Variants in MAP3K6 observed in about 807,000 individuals in gnomAD.
MAP3K6 encodes the protein apoptosis signal-regulating kinase 2.
MAP3K6 carries 105 observed loss-of-function variants against 147.1 expected under a neutral mutation model. The ratio of observed to expected loss-of-function variants is 0.71; its 90% confidence interval spans 0.61 to 0.84. The LOEUF (loss-of-function observed/expected upper bound fraction) is 0.84. MAP3K6 is among the 40% of genes least tolerant of loss of function. The pLI is 0.00. For synonymous variants in MAP3K6, 695 were observed against 732.4 expected, an observed-to-expected ratio of 0.95 and a Z score of 0.82; for missense variants, 1,569 against 1,715.0, an observed-to-expected ratio of 0.91 and a Z score of 1.50.
chr1:27,361,581 T>A lies in MAP3K6; in HGVS notation c.1625A>T (p.Glu542Val), dbSNP rs1278810542. 10 of 1,614,128 alleles carry A rather than the reference T, an allele frequency of 6.2e-6. No homozygotes were observed. Among genetic ancestry groups the A allele is most frequent in the Non-Finnish European group, 8.5e-6 (10 of 1,180,020 alleles). The change falls in exon 11 of 29, where the codon GAG (glutamate) becomes GTG (valine). Residue 542 changes from glutamate (E) to valine (V), a missense_variant. Transcript: ENST00000357582. The part of the protein sequence containing the change: ...MNKVLLPAKL[E>V]VRGTDPVSTV... ...GCTTACTGGGTCAGTACCCCGAACC[T>A]CGAGCTTTGCAGGCAGCAGCACCTT...
chr1:27,360,144 A>T lies in MAP3K6; in HGVS notation c.2182+97T>A. 6.4e-7 allele frequency: 1 copy of T among 1,574,800 alleles called. No individual in the cohort carries two copies. The highest frequency in any genetic ancestry group is 8.7e-7 in the Non-Finnish European group (1 of 1,154,106). On this transcript the variant is annotated intron_variant, in intron 16 of 28. Transcript: ENST00000357582. The surrounding 1 kb of genome is among the most constrained non-coding windows in gnomAD (Gnocchi z 4.5). ...ATTCTAGGCTACACCACCCACACGC[A>T]CTAGGGTGCATTTCCCCCTAGGGCT... is the stretch of plus-strand genomic sequence containing the variant.
chr1:27,366,316 C>T lies in MAP3K6; in HGVS notation c.282G>A (p.Leu94=), dbSNP rs1204198900. The T allele has an allele frequency of 1.5e-6, 2 of 1,316,734 alleles. No individual in the cohort carries two copies. Among genetic ancestry groups the T allele is most frequent in the African/African-American group, 3.1e-5 (2 of 64,988 alleles). The allele number at this position is 1,316,734 out of a possible 1,614,324, so 81.6% of individuals were successfully genotyped here. A position where few individuals can be genotyped will look rare whatever the true frequency, so the allele number is the denominator to read the frequency against. The change falls in exon 1 of 29, where the codon CTG becomes CTA. Residue 94 remains leucine, a synonymous_variant. Transcript: ENST00000357582. The surrounding 1 kb of genome is among the most constrained non-coding windows in gnomAD (Gnocchi z 5.5). ...CGCCTAGCTCCAGCGTCCCGAAGGGCAGGCTGCGCAGCTGCGGGGGCGGCC... is the reference window on the plus strand; with the variant it reads ...CGCCTAGCTCCAGCGTCCCGAAGGGTAGGCTGCGCAGCTGCGGGGGCGGCC... ...RPRPPPQLRS[L]PFGTLELGDT...
At position 27,361,777 on chromosome 1, in the gene MAP3K6, G is replaced by A. The variant is rs763013275; in HGVS notation, c.1506C>T (p.His502=). ...EPPGGPPRRA[H]FWLHFLLQSC... ...ACTGTAGCAAGAAGTGGAGCCAGAAGTGGGCACGGCGTGGTGGCCCTCCAG... is the reference window on the plus strand; with the variant it reads ...ACTGTAGCAAGAAGTGGAGCCAGAAATGGGCACGGCGTGGTGGCCCTCCAG... Residue 502 remains histidine, a synonymous_variant, in exon 10 of 29, where the codon CAC becomes CAT. Coordinates refer to ENST00000357582, the MANE Select transcript of MAP3K6 (RefSeq NM_004672.5). 2.5e-6 allele frequency: 4 copies of A among 1,612,886 alleles called. No homozygotes were observed. The highest frequency in any genetic ancestry group is 1.7e-5 in the Admixed American group (1 of 59,916).
In MAP3K6 at chr1:27,364,799, C is replaced by T. The variant is rs1038867521; in HGVS notation, c.454G>A (p.Asp152Asn). The change falls in exon 2 of 29, where the codon GAC becomes AAC. Residue 152 changes from aspartate to asparagine, a missense_variant. By Grantham distance (23) the Asp-to-Asn change is conservative. Coordinates refer to ENST00000357582, the MANE Select transcript of MAP3K6 (RefSeq NM_004672.5). The surrounding 1 kb of genome is among the most constrained non-coding windows in gnomAD (Gnocchi z 4.4). ...CGCAGGGCCTGCAGGTCAGGGAGGT[C>T]GGCCTGGGAGCAGAGGAGCACATTG... ...TNNVLLCSQA[D>N]LPDLQALRED... 18 of 1,613,504 alleles carry T rather than the reference C, an allele frequency of 1.1e-5. No individual in the cohort carries two copies. Among genetic ancestry groups the T allele is most frequent in the Admixed American group, 6.7e-5 (4 of 59,988 alleles).
In MAP3K6 at chr1:27,357,711, C is replaced by G. The variant is rs756073571; in HGVS notation, c.3081G>C (p.Gln1027His). The change falls in exon 22 of 29, where the codon CAG becomes CAC. Residue 1027 changes from glutamine (Q) to histidine (H), a missense_variant and splice_region_variant. Physicochemically the swap from Gln to His is conservative, Grantham distance 24. Coordinates refer to ENST00000357582, the MANE Select transcript of MAP3K6 (RefSeq NM_004672.5). ...ENLHQEQKQEQGARLGRNHVE... is the reference protein window; with the variant it reads ...ENLHQEQKQEHGARLGRNHVE... The stretch of plus-strand genomic sequence containing the variant: ...GGGGGCGCTAGAGTGGGCCGCCCAC[C>G]TGCTCTTGCTTCTGCTCCTGGTGCA... 21 of 1,610,484 alleles carry G rather than the reference C, an allele frequency of 1.3e-5. No homozygotes were observed. The South Asian group carries it at 2.2e-4, about 17-fold the overall frequency.
Position 27,358,393 on chromosome 1 carries a change from G to A in MAP3K6, c.2776+26C>T. On this transcript the variant is annotated intron_variant, in intron 20 of 28. Coordinates refer to ENST00000357582, the MANE Select transcript of MAP3K6 (RefSeq NM_004672.5). This position sits in a 1 kb window ranked among gnomAD's most constrained non-coding sequence, Gnocchi z 6.2. ...CTCCACAACTCCTCTGCCCTCCACT[G>A]TGCCCATCCCGCCACCCGCAAGCAC... 6.3e-7 allele frequency: 1 copy of A among 1,584,764 alleles called. No individual in the cohort carries two copies. Among genetic ancestry groups the A allele is most frequent in the Non-Finnish European group, 8.5e-7 (1 of 1,170,858 alleles).
At chr1:27,365,313 C>T (rs2015938133) in intron 1 of MAP3K6, among the ~76,000 whole-genome samples, 1 of 152,182 alleles carries the variant, frequency 6.6e-6, no homozygotes, top group Admixed American at 6.5e-5. Flanking sequence ...CAACGCTGTG[C>T]CTAAATGTAT....
rs1024115187 is a variant in MAP3K6 at position 27,364,561 on chromosome 1, G to A, written c.504+100C>T. ...ACAGAGGAATACTTGGGATGTCAGT[G>A]GGGGGTTAGGTGACTGAGGAGGCCA... On this transcript the variant is annotated intron_variant, in intron 3 of 28. Coordinates refer to ENST00000357582, the MANE Select transcript of MAP3K6 (RefSeq NM_004672.5). The surrounding 1 kb of genome is among the most constrained non-coding windows in gnomAD (Gnocchi z 4.4). The A allele has an allele frequency of 3.2e-6, 5 of 1,572,382 alleles. No individual in the cohort carries two copies. Among genetic ancestry groups the A allele is most frequent in the Non-Finnish European group, 3.5e-6 (4 of 1,142,416 alleles).
chr1:27,355,680 G>A lies in MAP3K6; in HGVS notation c.3777C>T (p.Tyr1259=). The change falls in exon 28 of 29, where the codon TAC becomes TAT. Residue 1259 remains tyrosine (Y), a synonymous_variant. Transcript: ENST00000357582. ...GGCCCAGGATGTACCTGATGCGGGT[G>A]TAGATGAGGTCATCTCGAGTGGCAT... The part of the protein sequence containing the change: ...LTYATRDDLI[Y]TRIRGGMVCR... 1 of 1,613,794 alleles carries A rather than the reference G, an allele frequency of 6.2e-7. No homozygotes were observed. Among genetic ancestry groups the A allele is most frequent in the Non-Finnish European group, 8.5e-7 (1 of 1,180,006 alleles).
At position 27,360,295 on chromosome 1, in the gene MAP3K6, C is replaced by T; in HGVS notation, c.2128G>A (p.Gly710Ser). The change falls in exon 16 of 29, where the codon GGC becomes AGC. Residue 710 changes from glycine (G) to serine (S), a missense_variant. Gly to Ser is a moderately conservative substitution (Grantham distance 56). Coordinates refer to ENST00000357582, the MANE Select transcript of MAP3K6 (RefSeq NM_004672.5). This position sits in a 1 kb window ranked among gnomAD's most constrained non-coding sequence, Gnocchi z 4.5. ...AGGTAGCCGCCCTGGCTAGCTGAGC[C>T]CAGATAGCGCACTATGTTCTTGTGG... ...LRHKNIVRYLGSASQGGYLKI... is the reference protein window; with the variant it reads ...LRHKNIVRYLSSASQGGYLKI... The T allele has an allele frequency of 1.2e-6, 2 of 1,614,080 alleles. No homozygotes were observed. Among genetic ancestry groups the T allele is most frequent in the Non-Finnish European group, 1.7e-6 (2 of 1,179,958 alleles).
At chr1:27,362,046 G>C (rs1019979072) in intron 9 of MAP3K6, 45 bp downstream of exon 9, 63 of 1,574,310 alleles carry the variant, frequency 4.0e-5, no homozygotes, top group Non-Finnish European at 5.3e-5. Flanking sequence ...AGGTGCAGGA[G>C]CTGACAGCCC....
In MAP3K6 at chr1:27,357,491, G is replaced by A. The variant is rs2015572667; in HGVS notation, c.3167C>T (p.Ala1056Val). ...TCCTTGCAGCGCCCGCAGCTCCTGG[G>A]CGAGCTGCCGGCGGTTGGGAGTGTG... ...HIHTPNRRQL[A>V]QELRALQGRL... The change falls in exon 23 of 29, where the codon GCC (alanine) becomes GTC (valine). Residue 1056 changes from alanine to valine, a missense_variant. Ala to Val is a moderately conservative substitution (Grantham distance 64, BLOSUM62 0). Coordinates refer to ENST00000357582, the MANE Select transcript of MAP3K6 (RefSeq NM_004672.5). 10 of 1,613,444 alleles carry A rather than the reference G, an allele frequency of 6.2e-6. No individual in the cohort carries two copies. Among genetic ancestry groups the A allele is most frequent in the Non-Finnish European group, 8.5e-6 (10 of 1,179,890 alleles).
chr1:27,355,885 T>C (rs1334197958), intron 27 of MAP3K6, 140 bp from the exon 28 acceptor site: 1 of 1,133,632 alleles, frequency 8.8e-7, no homozygotes, highest in African/African-American at 1.5e-5. Flanking sequence ...TTCTCATCCA[T>C]ACAATGGGAC....
In MAP3K6 at chr1:27,358,692, G is replaced by A. The variant is rs772537738; in HGVS notation, c.2583+17C>T. 1.9e-6 allele frequency: 3 copies of A among 1,613,584 alleles called. No homozygotes were observed. In the South Asian group the frequency reaches 3.3e-5, roughly 18 times the overall value. On this transcript the variant is annotated intron_variant, in intron 19 of 28. Coordinates refer to ENST00000357582, the MANE Select transcript of MAP3K6 (RefSeq NM_004672.5). This position sits in a 1 kb window ranked among gnomAD's most constrained non-coding sequence, Gnocchi z 6.2. ...GCCCTATGCCACTTCCATGGGCCAG[G>A]CCCAAAGAGGTCTCACCTGAAACAT...
intron 1 of MAP3K6, among the ~76,000 whole-genome samples, chr1:27,365,371 CTGTG>C (rs1414053231): frequency 6.6e-6 from 1 of 152,136 alleles, no homozygotes. Flanking sequence ...CTGACTGTAT[CTGTG>C]TGTGTGACAG....
Position 27,360,504 on chromosome 1 carries a change from C to CT in MAP3K6, c.2055-137dup. The CT allele has an allele frequency of 7.4e-7, 1 of 1,347,624 alleles. No homozygotes were observed. The highest frequency in any genetic ancestry group is 1.5e-5 in the South Asian group (1 of 68,774). 83.5% of individuals were successfully genotyped at this position (1,347,624 alleles called of 1,614,324 possible). ...TCCGACCTTCCCCACCCTTACTACC[C>CT]TGCCCACAGGACCCTCCAGACCTCA... is the stretch of plus-strand genomic sequence containing the variant. On this transcript the variant is annotated intron_variant, in intron 15 of 28. Coordinates refer to ENST00000357582, the MANE Select transcript of MAP3K6 (RefSeq NM_004672.5). The surrounding 1 kb of genome is among the most constrained non-coding windows in gnomAD (Gnocchi z 4.5).
intron 22 of MAP3K6, 47 bp from the exon 23 acceptor site, chr1:27,357,623 G>A (rs756129864): frequency 4.4e-6 from 7 of 1,591,012 alleles, no homozygotes; most frequent in Non-Finnish European, 6.0e-6. Flanking sequence ...AGCCAAAAGA[G>A]ACGCTGCCGC....
rs770336747 is a variant in MAP3K6, at chr1:27,359,404, C to A, written c.2425+13G>T. ...GGTCAGCATCCCCACTCACCACCCCCACACCTTGTTACCTGTGAAGGTCTC... is the reference window on the plus strand; with the variant it reads ...GGTCAGCATCCCCACTCACCACCCCAACACCTTGTTACCTGTGAAGGTCTC... On this transcript the variant is annotated intron_variant, in intron 18 of 28. Coordinates refer to ENST00000357582, the MANE Select transcript of MAP3K6 (RefSeq NM_004672.5). This position sits in a 1 kb window ranked among gnomAD's most constrained non-coding sequence, Gnocchi z 4.4. 2 of 1,614,102 alleles carry A rather than the reference C, an allele frequency of 1.2e-6. No individual in the cohort carries two copies. Among genetic ancestry groups the A allele is most frequent in the East Asian group, 4.5e-5 (2 of 44,874 alleles).
At chr1:27,356,898 C>T in intron 24 of MAP3K6, 111 bp downstream of exon 24, 2 of 1,406,852 alleles carry the variant, frequency 1.4e-6, no homozygotes, top group Non-Finnish European at 1.9e-6. Flanking sequence ...CCCCCACCGG[C>T]GCCTGCCTGC....
Sources: allele counts gnomAD v4.1 joint callset (sites outside exome capture counted in the v4.1 genomes callset), GRCh38; gene constraint gnomAD v4.1.1; non-coding constraint Gnocchi (gnomAD v3.1); transcripts MANE v1.5; gene names NCBI Gene and HGNC (gene_info 2026-07-23, HGNC 2026-07-21).